DDR2: variants seen among roughly 807,000 people sequenced by gnomAD.
The protein encoded by DDR2 is discoidin domain-containing receptor 2.
Under a neutral mutation model 94.9 loss-of-function variants are expected in DDR2, and 27 were observed. The ratio of observed to expected loss-of-function variants is 0.28; its 90% confidence interval spans 0.21 to 0.39. The LOEUF is 0.39. DDR2 is among the 10% of genes least tolerant of loss of function. The pLI is 1.00. For synonymous variants in DDR2, 382 were observed against 377.2 expected, an observed-to-expected ratio of 1.01 and a Z score of -0.15; for missense variants, 783 against 1,076.0, an observed-to-expected ratio of 0.73 and a Z score of 3.81.
intron 1 of DDR2, among the ~76,000 whole-genome samples, chr1:162,635,418 C>A (rs1274543761): frequency 6.6e-6 from 1 of 152,194 alleles, no homozygotes; most frequent in Non-Finnish European, 1.5e-5. Context: ...ACATCACCCT[C>A]ACCTCAAACA....
chr1:162,739,493 G>A (rs567471734), intron 3 of DDR2, among the ~76,000 whole-genome samples: 10 of 151,836 alleles, frequency 6.6e-5, no homozygotes, highest in Admixed American at 1.3e-4. Flanking sequence ...TTTTGATGGA[G>A]ACAGGGTTTT....
At chr1:162,771,760 C>T (rs1647228991) in intron 12 of DDR2, among the ~76,000 whole-genome samples, 1 of 152,168 alleles carries the variant, frequency 6.6e-6, no homozygotes, top group South Asian at 2.1e-4. Context: ...TATAGCTTCA[C>T]CACACAATTC....
At chr1:162,730,058 C>CTTTTAA (rs1661953788) in intron 3 of DDR2, among the ~76,000 whole-genome samples, 3 of 64,180 alleles carry the variant, frequency 4.7e-5, no homozygotes, top group African/African-American at 1.8e-4. Flanking sequence ...TTTTTTTTTG[C>CTTTTAA]AAAAAAAAAA....
chr1:162,718,490 GT>G (rs1406582744), intron 2 of DDR2, among the ~76,000 whole-genome samples: 2 of 151,972 alleles, frequency 1.3e-5, no homozygotes, highest in Non-Finnish European at 2.9e-5. Flanking sequence ...CTAAACATAA[GT>G]TCATACTGAT....
intron 2 of DDR2, among the ~76,000 whole-genome samples, chr1:162,716,942 T>A (rs187557001): frequency 6.6e-6 from 1 of 152,330 alleles, no homozygotes; most frequent in Non-Finnish European, 1.5e-5. Context: ...CTTCTCTCTT[T>A]ATAATATTGT....
intron 3 of DDR2, among the ~76,000 whole-genome samples, chr1:162,736,679 G>A (rs1488757036): frequency 6.6e-6 from 1 of 152,186 alleles, no homozygotes; most frequent in Non-Finnish European, 1.5e-5. Context: ...AAGAAAGAAA[G>A]AAAAACTACT....
chr1:162,667,520 C>T (rs931744059), intron 2 of DDR2, among the ~76,000 whole-genome samples: 1 of 152,130 alleles, frequency 6.6e-6, no homozygotes, highest in Non-Finnish European at 1.5e-5. Flanking sequence ...AGCAGGCAGT[C>T]ACACTAAATT....
intron 2 of DDR2, among the ~76,000 whole-genome samples, chr1:162,659,306 A>AAT (rs1312880298): frequency 1.3e-5 from 2 of 152,176 alleles, no homozygotes; most frequent in African/African-American, 4.8e-5. Context: ...ACATGCTTTG[A>AAT]ATATGGAGGG....
In DDR2 at chr1:162,784,810, T is replaced by C. The variant is rs1341155686; in HGVS notation, c.*4564T>C. The C allele has an allele frequency of 1.3e-5, 2 of 152,184 alleles. No individual in the cohort carries two copies. Among genetic ancestry groups the C allele is most frequent in the East Asian group, 3.8e-4 (2 of 5,196 alleles). 9.4% of individuals were successfully genotyped at this position (152,184 alleles called of 1,614,324 possible). ...GATCCAGTTTTCCCCATTTATAACA[T>C]TTCACTTAGTCCATTTTCGGAACCA... On this transcript the variant is annotated 3_prime_UTR_variant, in exon 18 of 18. Transcript: ENST00000367921.
At chr1:162,762,307 A>G (rs555921480) in intron 9 of DDR2, among the ~76,000 whole-genome samples, 3 of 152,286 alleles carry the variant, frequency 2.0e-5, no homozygotes, top group South Asian at 4.1e-4. Flanking sequence ...TTACATCTAC[A>G]GGTTAATTTG....
intron 13 of DDR2, 32 bp from the exon 14 acceptor site, chr1:162,773,437 G>T (rs778143162): frequency 6.2e-7 from 1 of 1,611,784 alleles, no homozygotes; most frequent in South Asian, 1.1e-5. Context: ...CAGGAGAAAT[G>T]ATGATGCTGA....
At position 162,713,698 on chromosome 1, in the gene DDR2, G is replaced by C. The variant is rs80086151; in HGVS notation, c.-27-5339G>C. Among the ~76,000 whole-genome samples, 349 of 152,208 alleles carry C rather than the reference G, an allele frequency of 2.3e-3. 1 individual carries two copies. The highest frequency in any genetic ancestry group is 7.9e-3 in the African/African-American group (329 of 41,534). ...CTCTAATGCATTCATTGTTACTATT[G>C]CATAGCATTTCACAGTAGGAATATT... On this transcript the variant is annotated intron_variant, in intron 2 of 17. Transcript: ENST00000367921.
intron 3 of DDR2, among the ~76,000 whole-genome samples, chr1:162,737,094 CTTTCTTTTTTTTCG>C (rs1457605163): frequency 4.0e-5 from 6 of 148,152 alleles, no homozygotes; most frequent in Non-Finnish European, 7.5e-5. Flanking sequence ...CTTTTTCTTT[CTTTCTTTTTTTTCG>C]TTTCTTTTTT....
chr1:162,697,847 G>A (rs1466680389), intron 2 of DDR2, among the ~76,000 whole-genome samples: 1 of 152,172 alleles, frequency 6.6e-6, no homozygotes, highest in Non-Finnish European at 1.5e-5. Context: ...GTTAGTAAAG[G>A]TCAGCTTTTA....
intron 2 of DDR2, among the ~76,000 whole-genome samples, chr1:162,714,810 A>G (rs955225420): frequency 1.1e-4 from 16 of 152,166 alleles, no homozygotes; most frequent in African/African-American, 3.9e-4. Context: ...CTGTAATAGC[A>G]CCTAATAGAT....
At chr1:162,766,115 A>T (rs1401646412) in intron 10 of DDR2, 52 bp downstream of exon 10, 1 of 1,594,872 alleles carries the variant, frequency 6.3e-7, no homozygotes, top group East Asian at 2.2e-5. Context: ...TTACTGGGGG[A>T]TGAAGAAGGG....
At chr1:162,770,703 T>C (rs760844293) in intron 12 of DDR2, 191 bp downstream of exon 12, 1 of 724,434 alleles carries the variant, frequency 1.4e-6, no homozygotes, top group South Asian at 1.5e-5. Flanking sequence ...CCTTTGCTAC[T>C]GAATATAAGA....
chr1:162,653,357 G>A (rs6694486), intron 1 of DDR2, among the ~76,000 whole-genome samples: 139,694 of 152,150 alleles, frequency 0.92, 64,657 homozygotes, highest in Middle Eastern at 0.98. Flanking sequence ...TGAGTGGATT[G>A]CCTGAGGTCA....
chr1:162,778,097 C>T (rs1262470524), intron 16 of DDR2: 1 of 214,974 alleles, frequency 4.7e-6, no homozygotes, highest in Non-Finnish European at 9.4e-6. Flanking sequence ...TGTGAGTAGT[C>T]AATGCATGCT....
Sources: allele counts gnomAD v4.1 joint callset (sites outside exome capture counted in the v4.1 genomes callset), GRCh38; gene constraint gnomAD v4.1.1; transcripts MANE v1.5; gene names NCBI Gene and HGNC (gene_info 2026-07-23, HGNC 2026-07-21).